The following ADAMTS2 variants were observed in gnomAD, a reference collection of about 807,000 sequenced individuals.
ADAMTS2 encodes ADAM metallopeptidase with thrombospondin type 1 motif 2.
A neutral mutation model predicts 123.0 loss-of-function variants in ADAMTS2; 50 were observed. The observed-to-expected ratio is 0.41, with a 90% CI of 0.32 to 0.51. The LOEUF (loss-of-function observed/expected upper bound fraction) is 0.51. Among genes scored for constraint, ADAMTS2 ranks in the 20% least tolerant of loss-of-function variants. The probability of loss-of-function intolerance (pLI) is 0.35; values close to 1 mark genes in which losing one functional copy is unlikely to be tolerated. For synonymous variants in ADAMTS2, 678 were observed against 695.4 expected (o/e 0.98, Z 0.39); for missense variants, 1,494 against 1,705.2 (o/e 0.88, Z 2.18).
In ADAMTS2 at chr5:179,208,114, C is replaced by T. The variant is rs544113467; in HGVS notation, c.689-399G>A. On this transcript the variant is annotated intron_variant, in intron 3 of 21. Transcript: ENST00000251582. ...TGGAGAGGTCGGGAACCTCAGCCCGCACTGCCTGACGCTGGAGTGGGCAGA... is the reference window on the plus strand; with the variant it reads ...TGGAGAGGTCGGGAACCTCAGCCCGTACTGCCTGACGCTGGAGTGGGCAGA... Among the ~76,000 whole-genome samples the T allele has an allele frequency of 3.2e-4, 48 of 151,462 alleles. 2 individuals are homozygous for T. Among genetic ancestry groups the T allele is most frequent in the Non-Finnish European group, 5.9e-4 (40 of 67,688 alleles).
At chr5:179,280,782 A>AGACTCCCCTC (rs1666494482) in intron 2 of ADAMTS2, among the ~76,000 whole-genome samples, 1 of 152,214 alleles carries the variant, frequency 6.6e-6, no homozygotes, top group African/African-American at 2.4e-5. Context: ...CACCAAACTG[A>AGACTCCCCTC]GACTCCCCTC....
intron 3 of ADAMTS2, among the ~76,000 whole-genome samples, chr5:179,267,908 T>C (rs753572722): frequency 3.9e-5 from 6 of 152,170 alleles, no homozygotes; most frequent in African/African-American, 7.2e-5. Context: ...CCCAGACCCC[T>C]GAGGCCTGGT....
chr5:179,154,321 G>A (rs910608159), intron 7 of ADAMTS2, 129 bp from the exon 8 acceptor site: 12 of 1,326,918 alleles, frequency 9.0e-6, no homozygotes, highest in African/African-American at 8.7e-5. Flanking sequence ...ACTCTGAGCC[G>A]GGTGGCACCG....
At chr5:179,145,906 G>A (rs1581151409) in intron 10 of ADAMTS2, among the ~76,000 whole-genome samples, 1 of 152,192 alleles carries the variant, frequency 6.6e-6, no homozygotes, top group South Asian at 2.1e-4. Flanking sequence ...CGGCTGGAGC[G>A]AAGTGGCGAG....
intron 10 of ADAMTS2, among the ~76,000 whole-genome samples, chr5:179,144,506 C>T (rs34346845): frequency 0.21 from 31,223 of 152,086 alleles, 3,696 homozygotes; most frequent in East Asian, 0.33. Flanking sequence ...TTCACCATTT[C>T]GAAGCTTACT....
At chr5:179,187,628 G>A (rs1764202268) in intron 4 of ADAMTS2, among the ~76,000 whole-genome samples, 4 of 152,160 alleles carry the variant, frequency 2.6e-5, no homozygotes, top group East Asian at 1.9e-4. Flanking sequence ...GGCCTCCTCC[G>A]CATCCACCCT....
chr5:179,148,153 C>T (rs769682401), intron 10 of ADAMTS2, among the ~76,000 whole-genome samples: 41 of 152,178 alleles, frequency 2.7e-4, no homozygotes, highest in Non-Finnish European at 2.9e-4. Flanking sequence ...TCACCTTCCC[C>T]CAGCACAGCA....
intron 2 of ADAMTS2, among the ~76,000 whole-genome samples, chr5:179,286,866 C>T (rs1373413811): frequency 6.6e-5 from 10 of 152,212 alleles, no homozygotes; most frequent in African/African-American, 2.4e-4. Context: ...CCTGTCCTCA[C>T]ATGGCCGTCC....
chr5:179,135,023 G>C (rs186435377), intron 13 of ADAMTS2, among the ~76,000 whole-genome samples: 3 of 89,230 alleles, frequency 3.4e-5, no homozygotes, highest in East Asian at 6.3e-4. Context: ...CCAGCTCCCG[G>C]CTCCAGCTCC....
intron 3 of ADAMTS2, among the ~76,000 whole-genome samples, chr5:179,248,856 T>C (rs767287401): frequency 2.0e-5 from 3 of 151,944 alleles, no homozygotes; most frequent in African/African-American, 2.4e-5. Context: ...AGTAAGAAAA[T>C]AGAGGACATG....
intron 2 of ADAMTS2, among the ~76,000 whole-genome samples, chr5:179,286,057 A>T (rs1263514852): frequency 6.6e-6 from 1 of 152,026 alleles, no homozygotes; most frequent in Non-Finnish European, 1.5e-5. Flanking sequence ...CTACCAAAAT[A>T]CAACAAATTA....
At position 179,158,920 on chromosome 5, in the gene ADAMTS2, C is replaced by T. The variant is rs771421818; in HGVS notation, c.976-41G>A. On this transcript the variant is annotated intron_variant, in intron 5 of 21. Coordinates refer to ENST00000251582, the MANE Select transcript of ADAMTS2 (RefSeq NM_014244.5). The surrounding 1 kb of genome is among the most constrained non-coding windows in gnomAD (Gnocchi z 5.0). Reference sequence around the variant, plus strand: ...GAGAAATGGAAGAGAGAGGTTGGCGCCTGGTGGCCCAGTGGGGGGCCGAGC... The same window carrying T: ...GAGAAATGGAAGAGAGAGGTTGGCGTCTGGTGGCCCAGTGGGGGGCCGAGC... The T allele has an allele frequency of 1.2e-6, 2 of 1,608,590 alleles. No homozygotes were observed. Among genetic ancestry groups the T allele is most frequent in the East Asian group, 2.2e-5 (1 of 44,692 alleles).
At chr5:179,251,797 A>G (rs1765932385) in intron 3 of ADAMTS2, among the ~76,000 whole-genome samples, 1 of 152,158 alleles carries the variant, frequency 6.6e-6, no homozygotes, top group Non-Finnish European at 1.5e-5. Context: ...TGCTGTGTGC[A>G]GAAGCAGCTC....
At position 179,132,541 on chromosome 5, in the gene ADAMTS2, C is replaced by T. The variant is rs1365798407; in HGVS notation, c.2210-231G>A. Among the ~76,000 whole-genome samples the T allele has an allele frequency of 1.3e-5, 2 of 152,152 alleles. No homozygotes were observed. The highest frequency in any genetic ancestry group is 4.8e-5 in the African/African-American group (2 of 41,428). On this transcript the variant is annotated intron_variant, in intron 14 of 21. Transcript: ENST00000251582. The surrounding 1 kb of genome is among the most constrained non-coding windows in gnomAD (Gnocchi z 6.1). ...GGCATCCTCATATACTGGCATTCTC[C>T]ACTCTAACCCCTGTGACCCCGGCCC...
chr5:179,269,514 G>A lies in ADAMTS2; in HGVS notation c.688+3397C>T, dbSNP rs1373432763. ...TTTTTAAAACCCTCAGATCTCGTGAGACCCACTCACCATCATGAGAACAGC... is the reference window on the plus strand; with the variant it reads ...TTTTTAAAACCCTCAGATCTCGTGAAACCCACTCACCATCATGAGAACAGC... On this transcript the variant is annotated intron_variant, in intron 3 of 21. Transcript: ENST00000251582. Among the ~76,000 whole-genome samples the A allele has an allele frequency of 3.9e-5, 6 of 152,218 alleles. No individual in the cohort carries two copies. In the East Asian group the frequency reaches 1.2e-3, roughly 29 times the overall value.
At chr5:179,172,600 G>T (rs1405031908) in intron 5 of ADAMTS2, among the ~76,000 whole-genome samples, 1 of 152,188 alleles carries the variant, frequency 6.6e-6, no homozygotes, top group Non-Finnish European at 1.5e-5. Flanking sequence ...TGGACCCCCT[G>T]CCCCAGCCAC....
chr5:179,192,811 C>T (rs1226676781), intron 4 of ADAMTS2, among the ~76,000 whole-genome samples: 1 of 152,212 alleles, frequency 6.6e-6, no homozygotes, highest in African/African-American at 2.4e-5. Flanking sequence ...TTCCTGGCAC[C>T]ATCGTGATCT....
At chr5:179,145,935 C>A (rs1267906014) in intron 10 of ADAMTS2, among the ~76,000 whole-genome samples, 3 of 152,186 alleles carry the variant, frequency 2.0e-5, no homozygotes, top group Non-Finnish European at 4.4e-5. Context: ...TCACCGCAAC[C>A]TCTGCTTCCC....
Position 179,127,973 on chromosome 5 carries a change from T to A in ADAMTS2, c.2603A>T (p.Lys868Met). 6.2e-7 allele frequency: 1 copy of A among 1,613,862 alleles called. No individual in the cohort carries two copies. Among genetic ancestry groups the A allele is most frequent in the African/African-American group, 1.3e-5 (1 of 75,038 alleles). Residue 868 changes from lysine to methionine, a missense_variant, in exon 17 of 22, where the codon AAG becomes ATG. Lys to Met is a moderately conservative substitution (Grantham distance 95). Transcript: ENST00000251582. ...WALKKWSPCS[K>M]PCGGGSQFTK... ...GACCCCCTCACCTCCGCCACAGGGC[T>A]TGGAGCACGGAGACCACTTCTTCAG...
Sources: allele counts gnomAD v4.1 joint callset (sites outside exome capture counted in the v4.1 genomes callset), GRCh38; gene constraint gnomAD v4.1.1; non-coding constraint Gnocchi (gnomAD v3.1); transcripts MANE v1.5; gene names NCBI Gene and HGNC (gene_info 2026-07-23, HGNC 2026-07-21).